Variants in PRKAG2 observed in about 807,000 individuals in gnomAD.
PRKAG2 encodes the protein 5'-AMP-activated protein kinase subunit gamma-2.
In PRKAG2, 26 loss-of-function variants were observed where a neutral mutation model predicts 69.6. The observed-to-expected ratio is 0.37, with a 90% CI of 0.27 to 0.52. The LOEUF (loss-of-function observed/expected upper bound fraction) is 0.52. Ranked by LOEUF, PRKAG2 falls within the 20% of genes least tolerant of loss-of-function variation. The pLI is 0.90. For synonymous variants in PRKAG2, 293 were observed against 285.0 expected (o/e 1.03, Z -0.28); for missense variants, 557 against 740.0 (o/e 0.75, Z 2.87).
chr7:151,568,608 A>G, intron 11 of PRKAG2, 108 bp downstream of exon 11: 5 of 1,277,128 alleles, frequency 3.9e-6, no homozygotes, highest in Non-Finnish European at 4.4e-6. Flanking sequence ...GGGAGACCTC[A>G]AAACTAACAA....
In PRKAG2 at chr7:151,699,368, C is replaced by T. The variant is rs904685461; in HGVS notation, c.467-23731G>A. ...TGCTGGCCGGATGCCTGTGTGGTTA[C>T]GATCCGGTTACATCTCAGCCCCCTG... On this transcript the variant is annotated intron_variant, in intron 3 of 15. Transcript: ENST00000287878. The surrounding 1 kb of genome is among the most constrained non-coding windows in gnomAD (Gnocchi z 4.5). 3.3e-5 allele frequency among the ~76,000 whole-genome samples: 5 copies of T among 152,162 alleles called. No homozygotes were observed. Among genetic ancestry groups the T allele is most frequent in the Admixed American group, 1.3e-4 (2 of 15,288 alleles).
At position 151,814,703 on chromosome 7, in the gene PRKAG2, C is replaced by T. The variant is rs890505560; in HGVS notation, c.115-28162G>A. The T allele has an allele frequency of 4.8e-5, 59 of 1,231,656 alleles. No homozygotes were observed. Among genetic ancestry groups the T allele is most frequent in the Non-Finnish European group, 5.7e-5 (56 of 987,988 alleles). The allele number at this position is 1,231,656 out of a possible 1,614,324, so 76.3% of individuals were successfully genotyped here. A position where few individuals can be genotyped will look rare whatever the true frequency, so the allele number is the denominator to read the frequency against. Reference sequence around the variant, plus strand: ...CCAGTCCCCAAGGCAGCGCAACAAGCGGCTGGCAGACAGCATGGGCTGGCC... The same window carrying T: ...CCAGTCCCCAAGGCAGCGCAACAAGTGGCTGGCAGACAGCATGGGCTGGCC... On this transcript the variant is annotated intron_variant, in intron 1 of 15. Transcript: ENST00000287878. This position sits in a 1 kb window ranked among gnomAD's most constrained non-coding sequence, Gnocchi z 4.8.
chr7:151,841,903 GATGGTAGTGATGGTAGGTAGTC>G (rs2079302660), intron 1 of PRKAG2, among the ~76,000 whole-genome samples: 1 of 150,166 alleles, frequency 6.7e-6, no homozygotes, highest in Non-Finnish European at 1.5e-5. Flanking sequence ...AGGTAGTGAT[GATGGTAGTGATGGTAGGTAGTC>G]ATGGTAGTGT....
At chr7:151,690,906 C>T (rs1835558310) in intron 3 of PRKAG2, among the ~76,000 whole-genome samples, 1 of 152,224 alleles carries the variant, frequency 6.6e-6, no homozygotes, top group Non-Finnish European at 1.5e-5. Context: ...TCGCTTATCG[C>T]TATCCCATGG....
Position 151,559,823 on chromosome 7 carries a change from G to A in PRKAG2, c.1678+701C>T, listed in dbSNP as rs146585284. ...GCTGGGTTGTTCATATTTGACTGGG[G>A]CTGGGGAGGTGGAGGGATGGGAAGA... On this transcript the variant is annotated intron_variant, in intron 15 of 15. Coordinates refer to ENST00000287878, the MANE Select transcript of PRKAG2 (RefSeq NM_016203.4). 363 of 985,334 alleles carry A rather than the reference G, an allele frequency of 3.7e-4. 2 individuals carry two copies. The African/African-American group carries it at 5.9e-3, about 16-fold the overall frequency. 61.0% of individuals were successfully genotyped at this position (985,334 alleles called of 1,614,324 possible). A position where few individuals can be genotyped will look rare whatever the true frequency, so the allele number is the denominator to read the frequency against.
rs116004691 is a variant in PRKAG2 at position 151,716,251 on chromosome 7, G to C, written c.467-40614C>G. Among the ~76,000 whole-genome samples, 1,364 of 152,332 alleles carry C rather than the reference G, an allele frequency of 9.0e-3. 20 individuals carry two copies. The highest frequency in any genetic ancestry group is 0.031 in the African/African-American group (1,291 of 41,564). ...AACCTGAGGTGCCCTTGGCCTTTAA[G>C]AAAACCGGAGATTAGAGGAGGCCGA... On this transcript the variant is annotated intron_variant, in intron 3 of 15. Coordinates refer to ENST00000287878, the MANE Select transcript of PRKAG2 (RefSeq NM_016203.4).
At chr7:151,608,839 TA>T (rs899854195) in intron 5 of PRKAG2, among the ~76,000 whole-genome samples, 5 of 150,360 alleles carry the variant, frequency 3.3e-5, no homozygotes, top group African/African-American at 1.2e-4. Flanking sequence ...TTTTTTTTTG[TA>T]AGAGAAATAA....
intron 3 of PRKAG2, among the ~76,000 whole-genome samples, chr7:151,724,455 G>C (rs1008754445): frequency 6.6e-6 from 1 of 152,108 alleles, no homozygotes; most frequent in Non-Finnish European, 1.5e-5. Flanking sequence ...CCTGAGGAAG[G>C]GGGTGACTGG....
At chr7:151,697,343 C>T (rs1200720292) in intron 3 of PRKAG2, among the ~76,000 whole-genome samples, 1 of 152,094 alleles carries the variant, frequency 6.6e-6, no homozygotes, top group Non-Finnish European at 1.5e-5. Context: ...AGTGGGCATG[C>T]TGGGTGCCCA....
chr7:151,611,493 G>C (rs578199578), intron 5 of PRKAG2, among the ~76,000 whole-genome samples: 3 of 152,168 alleles, frequency 2.0e-5, no homozygotes, highest in Non-Finnish European at 4.4e-5. Context: ...AAATAAATCA[G>C]TAAGTGATGA....
At chr7:151,706,874 G>A (rs994758418) in intron 3 of PRKAG2, among the ~76,000 whole-genome samples, 2 of 152,224 alleles carry the variant, frequency 1.3e-5, no homozygotes, top group African/African-American at 4.8e-5. Flanking sequence ...CACCTGGCCT[G>A]GCCAGGGACT....
chr7:151,667,330 C>A (rs538067580), intron 4 of PRKAG2, among the ~76,000 whole-genome samples: 10 of 152,128 alleles, frequency 6.6e-5, no homozygotes, highest in Admixed American at 1.3e-4. Flanking sequence ...GGATGCAAAC[C>A]GCAACAATCT....
chr7:151,616,159 G>A (rs949006449), intron 5 of PRKAG2, among the ~76,000 whole-genome samples: 6 of 152,204 alleles, frequency 3.9e-5, no homozygotes, highest in Non-Finnish European at 8.8e-5. Flanking sequence ...TGTGTGCCTT[G>A]GAGGGTGCAG....
intron 3 of PRKAG2, among the ~76,000 whole-genome samples, chr7:151,776,010 G>A (rs572123096): frequency 6.6e-6 from 1 of 152,296 alleles, no homozygotes; most frequent in South Asian, 2.1e-4. Flanking sequence ...CAAATGAACG[G>A]CCATCTGGAA....
At chr7:151,570,068 G>C in intron 10 of PRKAG2, 103 bp downstream of exon 10, 8 of 1,375,900 alleles carry the variant, frequency 5.8e-6, no homozygotes, top group Non-Finnish European at 8.0e-6. Context: ...GGCAGGCCCT[G>C]TTTGGAATGA....
At chr7:151,589,357 C>G (rs973323037) in intron 6 of PRKAG2, among the ~76,000 whole-genome samples, 3 of 152,172 alleles carry the variant, frequency 2.0e-5, no homozygotes, top group Non-Finnish European at 2.9e-5. Flanking sequence ...GTGGAGTACA[C>G]CAGACTCACA....
intron 1 of PRKAG2, among the ~76,000 whole-genome samples, chr7:151,824,815 G>A (rs1043017900): frequency 1.3e-5 from 2 of 152,140 alleles, no homozygotes; most frequent in Admixed American, 6.5e-5. Context: ...CTACCCCAGC[G>A]GAACTCAGCC....
At chr7:151,647,083 G>A (rs1044496686) in intron 4 of PRKAG2, among the ~76,000 whole-genome samples, 1 of 152,254 alleles carries the variant, frequency 6.6e-6, no homozygotes, top group African/African-American at 2.4e-5. Context: ...TGTGTGCACA[G>A]CCCCGTCCAT....
At chr7:151,715,864 C>T (rs1796100593) in intron 3 of PRKAG2, among the ~76,000 whole-genome samples, 1 of 152,112 alleles carries the variant, frequency 6.6e-6, no homozygotes, top group South Asian at 2.1e-4. Flanking sequence ...AGCCTTGGTG[C>T]GGGACTCCAC....
Sources: allele counts gnomAD v4.1 joint callset (sites outside exome capture counted in the v4.1 genomes callset), GRCh38; gene constraint gnomAD v4.1.1; non-coding constraint Gnocchi (gnomAD v3.1); transcripts MANE v1.5; gene names NCBI Gene and HGNC (gene_info 2026-07-23, HGNC 2026-07-21).